The following SSBP2 variants were observed in gnomAD, a reference collection of about 807,000 sequenced individuals.
The protein encoded by SSBP2 is single stranded DNA binding protein 2.
SSBP2 carries 17 observed loss-of-function variants against 61.8 expected under a neutral mutation model. The ratio of observed to expected loss-of-function variants is 0.28; its 90% confidence interval spans 0.19 to 0.41. The LOEUF (loss-of-function observed/expected upper bound fraction) is 0.41. Ranked by LOEUF, SSBP2 falls within the 10% of genes least tolerant of loss-of-function variation. SSBP2 has a pLI of 1.00. For synonymous variants in SSBP2, 139 were observed against 141.3 expected, an observed-to-expected ratio of 0.98 and a Z score of 0.12; for missense variants, 310 against 458.7, an observed-to-expected ratio of 0.68 and a Z score of 2.96.
At chr5:81,730,705 G>C (rs1369366203) in intron 1 of SSBP2, among the ~76,000 whole-genome samples, 1 of 151,996 alleles carries the variant, frequency 6.6e-6, no homozygotes, top group Non-Finnish European at 1.5e-5. Context: ...CCATTGACTA[G>C]ATTTTAAAAA....
intron 1 of SSBP2, among the ~76,000 whole-genome samples, chr5:81,731,769 T>G (rs935580233): frequency 6.6e-6 from 1 of 151,870 alleles, no homozygotes; most frequent in Non-Finnish European, 1.5e-5. Flanking sequence ...TTATGTAAGA[T>G]ATGATGGTGA....
intron 1 of SSBP2, 196 bp downstream of exon 1, chr5:81,750,781 GCCGC>G: frequency 1.7e-6 from 1 of 596,792 alleles, no homozygotes; most frequent in Non-Finnish European, 2.9e-6. Context: ...GCCCCCTGCG[GCCGC>G]CCGCCCAGCG....
chr5:81,466,524 G>C (rs934266476), intron 9 of SSBP2, among the ~76,000 whole-genome samples: 1 of 151,798 alleles, frequency 6.6e-6, no homozygotes, highest in Non-Finnish European at 1.5e-5. Context: ...ATGTATTTAT[G>C]AGTTAAAAAC....
intron 4 of SSBP2, among the ~76,000 whole-genome samples, chr5:81,547,035 C>CAAAAAAAAAAA (rs1491449481): frequency 1.3e-4 from 1 of 7,972 alleles, no homozygotes; most frequent in African/African-American, 6.7e-4. Flanking sequence ...CAAATCTTGG[C>CAAAAAAAAAAA]CAAAAAAAAA....
chr5:81,528,357 T>C (rs1770119070), intron 4 of SSBP2, among the ~76,000 whole-genome samples: 2 of 152,090 alleles, frequency 1.3e-5, no homozygotes, highest in South Asian at 4.1e-4. Context: ...GAAGTCAATG[T>C]AGTTGATACT....
intron 4 of SSBP2, among the ~76,000 whole-genome samples, chr5:81,545,010 G>A (rs1446998086): frequency 2.6e-5 from 4 of 152,206 alleles, no homozygotes; most frequent in Non-Finnish European, 5.9e-5. Flanking sequence ...GAAGGAGTAT[G>A]AGACTCTCAC....
At chr5:81,707,419 G>A (rs1304132739) in intron 1 of SSBP2, among the ~76,000 whole-genome samples, 1 of 152,058 alleles carries the variant, frequency 6.6e-6, no homozygotes, top group Non-Finnish European at 1.5e-5. Flanking sequence ...GAGAAATTTG[G>A]ACACAGAGAT....
At chr5:81,478,882 T>C (rs1765779631) in intron 6 of SSBP2, among the ~76,000 whole-genome samples, 1 of 152,220 alleles carries the variant, frequency 6.6e-6, no homozygotes, top group Non-Finnish European at 1.5e-5. Context: ...GTGGCAACCA[T>C]TTTCTTCAAA....
chr5:81,589,037 C>A lies in SSBP2; in HGVS notation c.282+26436G>T, dbSNP rs570610767. ...CTGTGACTGTGCCACTGCACTCAGTCTGGGCAAAAGAGTCAGACCCTATCT... is the reference window on the plus strand; with the variant it reads ...CTGTGACTGTGCCACTGCACTCAGTATGGGCAAAAGAGTCAGACCCTATCT... On this transcript the variant is annotated intron_variant, in intron 4 of 16. Transcript: ENST00000320672. 7.9e-5 allele frequency among the ~76,000 whole-genome samples: 12 copies of A among 152,260 alleles called. No homozygotes were observed. The South Asian group carries it at 2.3e-3, about 29-fold the overall frequency.
intron 4 of SSBP2, among the ~76,000 whole-genome samples, chr5:81,540,445 T>G (rs576479772): frequency 6.6e-6 from 1 of 152,240 alleles, no homozygotes; most frequent in Non-Finnish European, 1.5e-5. Flanking sequence ...CTAACTGGCA[T>G]GAGATGGTAT....
chr5:81,699,467 C>T (rs961614092), intron 1 of SSBP2, among the ~76,000 whole-genome samples: 1 of 152,234 alleles, frequency 6.6e-6, no homozygotes, highest in African/African-American at 2.4e-5. Context: ...AGCATCTTCA[C>T]CAGAAGCAGA....
intron 6 of SSBP2, among the ~76,000 whole-genome samples, chr5:81,481,807 A>G (rs1310255704): frequency 6.6e-6 from 1 of 151,718 alleles, no homozygotes; most frequent in East Asian, 2.0e-4. Flanking sequence ...GTAGTAAAAA[A>G]TAAAGGAATC....
intron 4 of SSBP2, among the ~76,000 whole-genome samples, chr5:81,612,394 G>A (rs1427111032): frequency 1.3e-5 from 2 of 152,160 alleles, no homozygotes; most frequent in African/African-American, 4.8e-5. Flanking sequence ...AATTTAATCT[G>A]TTTTAAAGTA....
chr5:81,653,063 C>T (rs1749882001), intron 1 of SSBP2, among the ~76,000 whole-genome samples: 2 of 151,968 alleles, frequency 1.3e-5, no homozygotes, highest in Non-Finnish European at 2.9e-5. Context: ...CCCTCATCTA[C>T]ATTAGGTATT....
intron 4 of SSBP2, among the ~76,000 whole-genome samples, chr5:81,600,562 A>AG (rs1491370910): frequency 2.7e-5 from 1 of 36,472 alleles, no homozygotes; most frequent in East Asian, 0.013. Flanking sequence ...ACTCTGTCTC[A>AG]AAAAAAAAAA....
chr5:81,438,627 T>C (rs1484255588), intron 14 of SSBP2, among the ~76,000 whole-genome samples: 4 of 152,176 alleles, frequency 2.6e-5, no homozygotes, highest in African/African-American at 9.6e-5. Flanking sequence ...ATATGTACAG[T>C]AATGTTCATT....
intron 4 of SSBP2, among the ~76,000 whole-genome samples, chr5:81,611,104 C>T (rs1745397239): frequency 6.6e-6 from 1 of 152,168 alleles, no homozygotes; most frequent in Admixed American, 6.5e-5. Flanking sequence ...GTAACTATTA[C>T]TTATCTCATA....
At chr5:81,467,116 G>A (rs975707691) in intron 8 of SSBP2, 51 bp from the exon 9 acceptor site, 5 of 1,207,282 alleles carry the variant, frequency 4.1e-6, no homozygotes, top group Non-Finnish European at 6.0e-6. Context: ...AAAGAAAGGA[G>A]AGCACGTTAA....
At chr5:81,667,816 T>C (rs1460078673) in intron 1 of SSBP2, among the ~76,000 whole-genome samples, 1 of 152,176 alleles carries the variant, frequency 6.6e-6, no homozygotes, top group Non-Finnish European at 1.5e-5. Context: ...TCACCATATT[T>C]TCTTATTAAG....
Sources: allele counts gnomAD v4.1 joint callset (sites outside exome capture counted in the v4.1 genomes callset), GRCh38; gene constraint gnomAD v4.1.1; transcripts MANE v1.5; gene names NCBI Gene and HGNC (gene_info 2026-07-23, HGNC 2026-07-21).